Variants in CNDP1 observed in about 807,000 individuals in gnomAD.
CNDP1 encodes the protein beta-Ala-His dipeptidase.
CNDP1 carries 44 observed loss-of-function variants against 58.1 expected under a neutral mutation model. The observed-to-expected ratio is 0.76, with a 90% CI of 0.60 to 0.97. The LOEUF (loss-of-function observed/expected upper bound fraction) is 0.97. Among genes scored for constraint, CNDP1 ranks in the 50% least tolerant of loss-of-function variants. The pLI is 0.00. For synonymous variants in CNDP1, 254 were observed against 252.6 expected (o/e 1.01, Z -0.05); for missense variants, 616 against 655.1 (o/e 0.94, Z 0.65).
intron 10 of CNDP1, among the ~76,000 whole-genome samples, chr18:74,582,471 A>C (rs1426027276): frequency 6.6e-6 from 1 of 152,256 alleles, no homozygotes; most frequent in African/African-American, 2.4e-5. Flanking sequence ...TTTGAGCGAT[A>C]GTACAGCTAT....
Position 74,576,885 on chromosome 18 carries a change from G to A in CNDP1, c.858G>A (p.Ser286=), listed in dbSNP as rs1042116290. 16 of 1,609,702 alleles carry A rather than the reference G, an allele frequency of 9.9e-6. No individual in the cohort carries two copies. The highest frequency in any genetic ancestry group is 4.5e-5 in the East Asian group (2 of 44,838). ...GTTTTGTAGGTAGCCTGGTAGACTCGTCTGGTCATATCCTGGTCCCTGGAA... is the reference window on the plus strand; with the variant it reads ...GTTTTGTAGGTAGCCTGGTAGACTCATCTGGTCATATCCTGGTCCCTGGAA... ...LVALLGSLVD[S]SGHILVPGIY... is the part of the protein sequence containing the mutation. The change falls in exon 8 of 12, where the codon TCG becomes TCA. Residue 286 remains serine, a synonymous_variant. Coordinates refer to ENST00000358821, the MANE Select transcript of CNDP1 (RefSeq NM_032649.6).
intron 1 of CNDP1, among the ~76,000 whole-genome samples, chr18:74,555,571 G>A (rs750030127): frequency 1.3e-5 from 2 of 152,174 alleles, no homozygotes; most frequent in African/African-American, 2.4e-5. Context: ...TTCCTGTCAG[G>A]GGTCAAGGAG....
chr18:74,577,948 T>C, intron 8 of CNDP1: 1 of 457,456 alleles, frequency 2.2e-6, no homozygotes. Context: ...CACTCATCAA[T>C]GGGGAGCATT....
At chr18:74,552,043 G>A (rs890478733) in intron 1 of CNDP1, among the ~76,000 whole-genome samples, 1 of 152,052 alleles carries the variant, frequency 6.6e-6, no homozygotes, top group Non-Finnish European at 1.5e-5. Flanking sequence ...TTCATCTGCC[G>A]CCCCTGGCTC....
Position 74,560,771 on chromosome 18 carries a change from A to G in CNDP1, c.304-85A>G, listed in dbSNP as rs1304955761. The G allele has an allele frequency of 3.9e-6, 5 of 1,287,926 alleles. No homozygotes were observed. In the African/African-American group the frequency reaches 5.8e-5, roughly 15 times the overall value. The allele number at this position is 1,287,926 out of a possible 1,614,324, so 79.8% of individuals were successfully genotyped here. A position where few individuals can be genotyped will look rare whatever the true frequency, so the allele number is the denominator to read the frequency against. The stretch of plus-strand genomic sequence containing the variant: ...TGATGCTCAGTTTCTCCCAATGTCA[A>G]ACAAGACTCCCAATGTCATGTCTTT... On this transcript the variant is annotated intron_variant, in intron 3 of 11. Transcript: ENST00000358821.
rs1223439367 is a variant in CNDP1 at position 74,578,303 on chromosome 18, G to C, written c.1143G>C (p.Met381Ile). 1 of 1,610,764 alleles carries C rather than the reference G, an allele frequency of 6.2e-7. No homozygotes were observed. Among genetic ancestry groups the C allele is most frequent in the Admixed American group, 1.7e-5 (1 of 59,082 alleles). Residue 381 changes from methionine (M) to isoleucine (I), a missense_variant, in exon 9 of 12, where the codon ATG becomes ATC. Transcript: ENST00000358821. Reference protein sequence around the residue: ...GKFSIRLVPHMNVSAVEKQVT... With the variant: ...GKFSIRLVPHINVSAVEKQVT... ...TTTCAATCCGTCTAGTCCCTCACAT[G>C]AATGTGTCTGCGGTGGAAAAACAGG...
chr18:74,546,169 G>A (rs1034422696), intron 1 of CNDP1, among the ~76,000 whole-genome samples: 7 of 152,226 alleles, frequency 4.6e-5, no homozygotes, highest in Non-Finnish European at 7.3e-5. Flanking sequence ...CCACTGTTAC[G>A]TTTCTAGATG....
intron 2 of CNDP1, among the ~76,000 whole-genome samples, chr18:74,558,386 C>CTTT (rs1981095366): frequency 3.8e-5 from 4 of 106,330 alleles, no homozygotes; most frequent in African/African-American, 1.4e-4. Flanking sequence ...GCATTACTTT[C>CTTT]TTTTTCTTTT....
At chr18:74,569,895 G>A (rs1359968596) in intron 6 of CNDP1, among the ~76,000 whole-genome samples, 1 of 152,030 alleles carries the variant, frequency 6.6e-6, no homozygotes, top group Non-Finnish European at 1.5e-5. Context: ...TTACCATCAA[G>A]AGAGAAGGAG....
At position 74,571,243 on chromosome 18, in the gene CNDP1, C is replaced by A. The variant is rs759021688; in HGVS notation, c.814C>A (p.Pro272Thr). The A allele has an allele frequency of 5.6e-6, 9 of 1,612,862 alleles. No homozygotes were observed. The highest frequency in any genetic ancestry group is 2.2e-5 in the East Asian group (1 of 44,868). ...SGTFGGILHE[P>T]MADLVALLGS... is the part of the protein sequence containing the mutation. ...AACCTTTGGTGGCATCCTTCATGAACCAATGGCTGATCTGGTTGCTCTTCT... is the reference window on the plus strand; with the variant it reads ...AACCTTTGGTGGCATCCTTCATGAAACAATGGCTGATCTGGTTGCTCTTCT... The change falls in exon 7 of 12, where the codon CCA becomes ACA. Residue 272 changes from proline to threonine, a missense_variant. Coordinates refer to ENST00000358821, the MANE Select transcript of CNDP1 (RefSeq NM_032649.6).
rs74608057 is a variant in CNDP1 at position 74,581,974 on chromosome 18, G to A, written c.1310-1587G>A. Among the ~76,000 whole-genome samples the A allele has an allele frequency of 9.7e-3, 1,471 of 152,354 alleles. 22 individuals are homozygous for A. The highest frequency in any genetic ancestry group is 0.03 in the African/African-American group (1,252 of 41,582). ...TTTGAAGCACTAACTCTCTCTCAGG[G>A]TTATCAGTACAAGGGACACAGACAC... On this transcript the variant is annotated intron_variant, in intron 10 of 11. Transcript: ENST00000358821.
Position 74,559,371 on chromosome 18 carries a change from C to A in CNDP1, c.202C>A (p.Pro68Thr). ...CGAGAGCGACTCTGTCCAGCCTGTG[C>A]CTCGCTTCAGACAAGAGCTCTTCAG... ...AIESDSVQPV[P>T]RFRQELFRMM... Residue 68 changes from proline (P) to threonine (T), a missense_variant, in exon 3 of 12, where the codon CCT (proline) becomes ACT (threonine). Transcript: ENST00000358821. 6.2e-7 allele frequency: 1 copy of A among 1,614,022 alleles called. No homozygotes were observed. Among genetic ancestry groups the A allele is most frequent in the South Asian group, 1.1e-5 (1 of 91,078 alleles).
intron 11 of CNDP1, chr18:74,584,222 G>T: frequency 2.2e-6 from 1 of 446,236 alleles, no homozygotes; most frequent in Non-Finnish European, 4.1e-6. Context: ...ACAAGAAATT[G>T]TTTGACCCTG....
rs974352905 is a variant in CNDP1 at position 74,534,548 on chromosome 18, A to G, written c.-120A>G. The stretch of plus-strand genomic sequence containing the variant: ...CAGCCTCGTCTTCCTTCCGGGGGAC[A>G]ACGTGGGTCAGGGCACAGAGAGATA... On this transcript the variant is annotated 5_prime_UTR_variant, in exon 1 of 12. Coordinates refer to ENST00000358821, the MANE Select transcript of CNDP1 (RefSeq NM_032649.6). The G allele has an allele frequency of 2.0e-6, 2 of 1,023,458 alleles. No homozygotes were observed. Among genetic ancestry groups the G allele is most frequent in the Admixed American group, 2.0e-5 (1 of 51,074 alleles). The allele number at this position is 1,023,458 out of a possible 1,614,324, so 63.4% of individuals were successfully genotyped here.
rs1241519037 is a variant in CNDP1, at chr18:74,585,975, CAG to C, written c.*1416_*1417del. The C allele has an allele frequency of 9.1e-6, 1 of 109,708 alleles. No homozygotes were observed. The highest frequency in any genetic ancestry group is 1.7e-5 in the Non-Finnish European group (1 of 59,910). The allele number at this position is 109,708 out of a possible 1,614,324, so 6.8% of individuals were successfully genotyped here. A position where few individuals can be genotyped will look rare whatever the true frequency, so the allele number is the denominator to read the frequency against. On this transcript the variant is annotated 3_prime_UTR_variant, in exon 12 of 12. Transcript: ENST00000358821. Reference sequence around the variant, plus strand: ...TGCCACTGCACTCCAGCCTGGGCGACAGAGTGAGACTCCGTCTCCAAAAAAAA... The same window carrying C: ...TGCCACTGCACTCCAGCCTGGGCGACAGTGAGACTCCGTCTCCAAAAAAAA...
intron 7 of CNDP1, among the ~76,000 whole-genome samples, chr18:74,575,672 A>G (rs1981613162): frequency 6.6e-6 from 1 of 151,674 alleles, no homozygotes; most frequent in Admixed American, 6.6e-5. Context: ...CATAGAGTAG[A>G]CCTGAAGGGT....
chr18:74,549,642 C>T (rs939428051), intron 1 of CNDP1, among the ~76,000 whole-genome samples: 5 of 152,156 alleles, frequency 3.3e-5, no homozygotes, highest in African/African-American at 1.2e-4. Flanking sequence ...GCAGAGCAAC[C>T]ACTTGCTAGA....
In CNDP1 at chr18:74,587,009, CA is replaced by C. The variant is rs1159962265; in HGVS notation, c.*2448del. 45 of 152,278 alleles carry C rather than the reference CA, an allele frequency of 3.0e-4. No individual in the cohort carries two copies. Among genetic ancestry groups the C allele is most frequent in the African/African-American group, 9.4e-4 (39 of 41,554 alleles). The allele number at this position is 152,278 out of a possible 1,614,324, so 9.4% of individuals were successfully genotyped here. On this transcript the variant is annotated 3_prime_UTR_variant, in exon 12 of 12. Transcript: ENST00000358821. ...TGGGCGTACATTGTGGCATGCCCAT[CA>C]GGGGGACTTTGTTGTATTGGAGGAG...
At chr18:74,565,514 A>G (rs2144660685) in intron 5 of CNDP1, among the ~76,000 whole-genome samples, 1 of 152,314 alleles carries the variant, frequency 6.6e-6, no homozygotes. Flanking sequence ...GCTGTTCCAA[A>G]TGGGAGAAAT....
Sources: gnomAD v4.1 joint callset for allele counts (sites outside exome capture counted in the v4.1 genomes callset) on GRCh38, gnomAD v4.1.1 for gene constraint, MANE v1.5 for transcripts, NCBI Gene and HGNC (gene_info 2026-07-23, HGNC 2026-07-21) for gene names.